ARHGAP15: variants seen among roughly 807,000 people sequenced by gnomAD.
ARHGAP15 encodes the protein Rho GTPase activating protein 15.
A neutral mutation model predicts 63.7 loss-of-function variants in ARHGAP15; 51 were observed. The observed-to-expected ratio is 0.80, with a 90% CI of 0.64 to 1.01. The LOEUF (loss-of-function observed/expected upper bound fraction) is 1.01. ARHGAP15 is among the 50% of genes least tolerant of loss of function. ARHGAP15 has a pLI of 0.00. For synonymous variants in ARHGAP15, 191 were observed against 193.8 expected, an observed-to-expected ratio of 0.99 and a Z score of 0.12; for missense variants, 560 against 564.6, an observed-to-expected ratio of 0.99 and a Z score of 0.08.
intron 11 of ARHGAP15, among the ~76,000 whole-genome samples, chr2:143,609,345 CACA>C (rs1449885265): frequency 6.6e-6 from 1 of 152,124 alleles, no homozygotes; most frequent in Non-Finnish European, 1.5e-5. Context: ...AGCATCTGGG[CACA>C]ACAAGGCATG....
At chr2:143,249,570 G>A (rs1680038591) in intron 5 of ARHGAP15, among the ~76,000 whole-genome samples, 1 of 152,024 alleles carries the variant, frequency 6.6e-6, no homozygotes, top group Non-Finnish European at 1.5e-5. Flanking sequence ...AATCTACAGA[G>A]AAACCTAGAA....
At chr2:143,575,294 G>A (rs905194033) in intron 11 of ARHGAP15, among the ~76,000 whole-genome samples, 2 of 152,094 alleles carry the variant, frequency 1.3e-5, no homozygotes, top group Non-Finnish European at 2.9e-5. Context: ...TTTATCTCTG[G>A]TGAAAATGTC....
chr2:143,632,083 TACAGTGTGTA>T (rs572821572), intron 12 of ARHGAP15, among the ~76,000 whole-genome samples: 217 of 152,258 alleles, frequency 1.4e-3, no homozygotes, highest in Middle Eastern at 6.8e-3. Context: ...GATACATGTA[TACAGTGTGTA>T]ACAATCAAAT....
At chr2:143,608,101 T>C (rs573217537) in intron 11 of ARHGAP15, 1 of 152,254 alleles carries the variant, frequency 6.6e-6, no homozygotes, top group African/African-American at 2.4e-5. Context: ...GGGCTGAAAA[T>C]GTCACTTCAA....
intron 6 of ARHGAP15, among the ~76,000 whole-genome samples, chr2:143,255,880 A>G (rs796588571): frequency 7.2e-5 from 11 of 152,170 alleles, no homozygotes; most frequent in African/African-American, 2.7e-4. Flanking sequence ...TAAGAGAAAC[A>G]TTCACGTCTA....
intron 12 of ARHGAP15, among the ~76,000 whole-genome samples, chr2:143,671,914 T>A (rs1188480315): frequency 6.6e-6 from 1 of 152,216 alleles, no homozygotes; most frequent in African/African-American, 2.4e-5. Context: ...GCCTGCACTA[T>A]CCTCTTATAA....
At chr2:143,231,782 G>A (rs947876549) in intron 5 of ARHGAP15, among the ~76,000 whole-genome samples, 3 of 152,194 alleles carry the variant, frequency 2.0e-5, no homozygotes, top group African/African-American at 4.8e-5. Context: ...CGAGGCACAG[G>A]TGAATCTGGT....
chr2:143,667,829 A>T (rs1682303893), intron 12 of ARHGAP15, among the ~76,000 whole-genome samples: 1 of 151,778 alleles, frequency 6.6e-6, no homozygotes, highest in African/African-American at 2.4e-5. Flanking sequence ...CTCTACCAAA[A>T]ATACAAAAAT....
At chr2:143,479,695 A>C (rs1222008168) in intron 8 of ARHGAP15, among the ~76,000 whole-genome samples, 1 of 152,144 alleles carries the variant, frequency 6.6e-6, no homozygotes, top group Non-Finnish European at 1.5e-5. Flanking sequence ...ATATATAATC[A>C]ATAGAAGAAT....
chr2:143,560,494 A>G (rs936271489), intron 11 of ARHGAP15, among the ~76,000 whole-genome samples: 1 of 152,208 alleles, frequency 6.6e-6, no homozygotes, highest in Non-Finnish European at 1.5e-5. Context: ...TAGATCCCAG[A>G]TCTGTCTGAC....
At chr2:143,330,132 C>A (rs7602621) in intron 6 of ARHGAP15, among the ~76,000 whole-genome samples, 32,733 of 47,658 alleles carry the variant, frequency 0.69, 10,399 homozygotes, top group African/African-American at 0.75. Flanking sequence ...AAAAAAAAAA[C>A]CAAAAACAAA....
chr2:143,372,203 A>T (rs570979703), intron 6 of ARHGAP15, among the ~76,000 whole-genome samples: 1 of 151,800 alleles, frequency 6.6e-6, no homozygotes, highest in South Asian at 2.1e-4. Flanking sequence ...ATAGCCAGGC[A>T]TGGTGACACG....
chr2:143,609,382 A>G (rs1489578563), intron 11 of ARHGAP15, among the ~76,000 whole-genome samples: 2 of 152,098 alleles, frequency 1.3e-5, no homozygotes, highest in East Asian at 1.9e-4. Context: ...AGGCACTCTA[A>G]GTAGGAATTT....
At chr2:143,379,937 G>A (rs1220883386) in intron 6 of ARHGAP15, among the ~76,000 whole-genome samples, 1 of 151,904 alleles carries the variant, frequency 6.6e-6, no homozygotes, top group African/African-American at 2.4e-5. Flanking sequence ...ATTTGCAGTG[G>A]AACAGAGCAA....
At chr2:143,409,644 G>T (rs1688361984) in intron 6 of ARHGAP15, among the ~76,000 whole-genome samples, 1 of 152,030 alleles carries the variant, frequency 6.6e-6, no homozygotes, top group Non-Finnish European at 1.5e-5. Context: ...TGTGGTGGCA[G>T]TTCCGTAGGA....
At chr2:143,400,583 C>T (rs1340263400) in intron 6 of ARHGAP15, among the ~76,000 whole-genome samples, 1 of 151,888 alleles carries the variant, frequency 6.6e-6, no homozygotes, top group African/African-American at 2.4e-5. Flanking sequence ...GTAGGATACA[C>T]ATGCAAAATT....
chr2:143,501,892 T>A (rs1693080087), intron 9 of ARHGAP15, among the ~76,000 whole-genome samples: 1 of 152,154 alleles, frequency 6.6e-6, no homozygotes, highest in Non-Finnish European at 1.5e-5. Flanking sequence ...GGTCTCTGCC[T>A]AGGTTTCTCT....
At chr2:143,748,620 C>T (rs1309473794) in intron 13 of ARHGAP15, among the ~76,000 whole-genome samples, 1 of 152,206 alleles carries the variant, frequency 6.6e-6, no homozygotes, top group Non-Finnish European at 1.5e-5. Context: ...ACACAGATAT[C>T]ACTTGGTAGG....
At chr2:143,279,767 A>G (rs540655379) in intron 6 of ARHGAP15, among the ~76,000 whole-genome samples, 1 of 152,222 alleles carries the variant, frequency 6.6e-6, no homozygotes, top group South Asian at 2.1e-4. Context: ...TTCATTAACT[A>G]TTACATTGAT....
Sources: allele counts gnomAD v4.1 joint callset (sites outside exome capture counted in the v4.1 genomes callset), GRCh38; gene constraint gnomAD v4.1.1; transcripts MANE v1.5; gene names NCBI Gene and HGNC (gene_info 2026-07-23, HGNC 2026-07-21).